IL20RB: variants seen among roughly 807,000 people sequenced by gnomAD.
IL20RB encodes the protein interleukin-20 receptor subunit beta.
In IL20RB, 21 loss-of-function variants were observed where a neutral mutation model predicts 33.3. The ratio of observed to expected loss-of-function variants is 0.63; its 90% confidence interval spans 0.45 to 0.91. The LOEUF is 0.91. IL20RB is among the 40% of genes least tolerant of loss of function. The pLI, the probability that IL20RB is intolerant of heterozygous loss-of-function variation, is 0.00. For synonymous variants in IL20RB, 147 were observed against 146.8 expected (o/e 1.00, Z -0.01); for missense variants, 345 against 384.8 (o/e 0.90, Z 0.86).
intron 1 of IL20RB, among the ~76,000 whole-genome samples, chr3:136,979,937 G>A (rs995053542): frequency 7.2e-5 from 11 of 152,224 alleles, no homozygotes; most frequent in African/African-American, 1.7e-4. Flanking sequence ...AGAGGCTCAC[G>A]TTTATGCAAC....
At chr3:136,994,397 A>G (rs1942087891) in intron 5 of IL20RB, among the ~76,000 whole-genome samples, 1 of 152,204 alleles carries the variant, frequency 6.6e-6, no homozygotes, top group Non-Finnish European at 1.5e-5. Flanking sequence ...CCATAAATAT[A>G]TACACCTACT....
intron 1 of IL20RB, among the ~76,000 whole-genome samples, chr3:136,977,419 C>T (rs1453667863): frequency 6.6e-6 from 1 of 152,170 alleles, no homozygotes; most frequent in Non-Finnish European, 1.5e-5. Flanking sequence ...TCTTTGATTT[C>T]ATTTAGCATT....
intron 6 of IL20RB, among the ~76,000 whole-genome samples, chr3:137,004,747 T>C (rs1240287199): frequency 6.6e-6 from 1 of 152,216 alleles, no homozygotes; most frequent in Non-Finnish European, 1.5e-5. Context: ...TTGACGGGTT[T>C]TTTTGTGTGT....
intron 6 of IL20RB, among the ~76,000 whole-genome samples, chr3:137,008,227 G>A (rs1932988844): frequency 1.3e-5 from 2 of 152,162 alleles, no homozygotes; most frequent in Admixed American, 6.6e-5. Flanking sequence ...TTCATAGAAA[G>A]TGGAGTTTGT....
chr3:136,987,858 G>C (rs1941946232), intron 3 of IL20RB, among the ~76,000 whole-genome samples: 1 of 152,170 alleles, frequency 6.6e-6, no homozygotes, highest in African/African-American at 2.4e-5. Context: ...GCCGGGGCCG[G>C]CAGGGCCGGC....
intron 1 of IL20RB, among the ~76,000 whole-genome samples, chr3:136,974,662 T>G (rs1018998442): frequency 1.2e-4 from 18 of 152,206 alleles, no homozygotes; most frequent in Admixed American, 6.5e-5. Context: ...TGTCTAAATA[T>G]CTTGCTAGAC....
At chr3:136,988,150 C>T (rs557682391) in intron 3 of IL20RB, among the ~76,000 whole-genome samples, 1 of 152,344 alleles carries the variant, frequency 6.6e-6, no homozygotes, top group East Asian at 1.9e-4. Flanking sequence ...TGTCACCTCT[C>T]ACACTGACCC....
chr3:136,969,679 T>C (rs966057215), intron 1 of IL20RB, among the ~76,000 whole-genome samples: 5 of 152,090 alleles, frequency 3.3e-5, no homozygotes, highest in Non-Finnish European at 7.4e-5. Context: ...CGCTGGGAGC[T>C]GTAGACCGGA....
At chr3:136,982,108 G>A in intron 2 of IL20RB, 52 bp from the exon 3 acceptor site, 1 of 1,353,736 alleles carries the variant, frequency 7.4e-7, no homozygotes, top group East Asian at 2.5e-5. Context: ...AACCATAACT[G>A]AGCCTGTGTC....
Position 136,992,053 on chromosome 3 carries a change from G to C in IL20RB, c.647G>C (p.Ser216Thr). The change falls in exon 5 of 7, where the codon AGC becomes ACC. Residue 216 changes from serine to threonine, a missense_variant. Ser to Thr is a moderately conservative substitution (Grantham distance 58). Transcript: ENST00000329582. Reference protein sequence around the residue: ...QTFVKAIGRYSAFSQTECVEV... With the variant: ...QTFVKAIGRYTAFSQTECVEV... ...TTCGTGAAGGCCATTGGGAGGTACA[G>C]CGCCTTCAGCCAGACAGAATGTGTG... 6.2e-7 allele frequency: 1 copy of C among 1,614,224 alleles called. No individual in the cohort carries two copies. Among genetic ancestry groups the C allele is most frequent in the East Asian group, 2.2e-5 (1 of 44,882 alleles).
chr3:136,983,146 G>A (rs575975837), intron 3 of IL20RB, among the ~76,000 whole-genome samples: 2 of 151,896 alleles, frequency 1.3e-5, no homozygotes, highest in Admixed American at 1.3e-4. Flanking sequence ...GGTGTGCAGT[G>A]GCGTGATCTC....
At chr3:136,991,418 C>T (rs536911796) in intron 4 of IL20RB, among the ~76,000 whole-genome samples, 43 of 152,160 alleles carry the variant, frequency 2.8e-4, no homozygotes, top group Admixed American at 1.6e-3. Flanking sequence ...TGCTAGGTCC[C>T]TGTGCTTAGA....
At chr3:136,977,914 T>C (rs1577017938) in intron 1 of IL20RB, among the ~76,000 whole-genome samples, 1 of 152,218 alleles carries the variant, frequency 6.6e-6, no homozygotes, top group South Asian at 2.1e-4. Flanking sequence ...CAAGTTTTAC[T>C]ACTTCTTTTA....
chr3:136,961,787 T>G (rs1409596994), intron 1 of IL20RB, among the ~76,000 whole-genome samples: 1 of 152,178 alleles, frequency 6.6e-6, no homozygotes, highest in Non-Finnish European at 1.5e-5. Flanking sequence ...TCAGGGAAGT[T>G]GGGTGAAGGA....
rs186557294 is a variant in IL20RB, at chr3:136,991,297, G to A, written c.532-641G>A. Among the ~76,000 whole-genome samples the A allele has an allele frequency of 1.6e-4, 24 of 152,242 alleles. No homozygotes were observed. The East Asian group carries it at 4.1e-3, about 26-fold the overall frequency. ...GGTGCCTCCTCGTTACCATCTCTTT[G>A]CTCTGCTTTTTCCTTCACAGTCCTT... On this transcript the variant is annotated intron_variant, in intron 4 of 6. Coordinates refer to ENST00000329582, the MANE Select transcript of IL20RB (RefSeq NM_144717.4).
In IL20RB at chr3:136,958,189, T is replaced by C. The variant is rs758399533; in HGVS notation, c.76T>C (p.Cys26Arg). 2.5e-6 allele frequency: 4 copies of C among 1,603,376 alleles called. No individual in the cohort carries two copies. The highest frequency in any genetic ancestry group is 2.2e-5 in the South Asian group (2 of 90,836). Residue 26 changes from cysteine to arginine, a missense_variant, in exon 1 of 7, where the codon TGT becomes CGT. By Grantham distance (180) the Cys-to-Arg change is radical (BLOSUM62 -3). Coordinates refer to ENST00000329582, the MANE Select transcript of IL20RB (RefSeq NM_144717.4). ...GTGGTTTTTCTACGCATTGATTCCA[T>C]GTTTGCTCACAGGTAAGTATGAATT... ...FMWFFYALIP[C>R]LLTDEVAILP...
intron 6 of IL20RB, among the ~76,000 whole-genome samples, chr3:137,003,017 T>G (rs1381946865): frequency 6.6e-6 from 1 of 152,236 alleles, no homozygotes; most frequent in African/African-American, 2.4e-5. Flanking sequence ...CACCATTTAT[T>G]AAATAGGGAA....
At chr3:136,973,039 C>A (rs1941526543) in intron 1 of IL20RB, among the ~76,000 whole-genome samples, 1 of 151,936 alleles carries the variant, frequency 6.6e-6, no homozygotes, top group Non-Finnish European at 1.5e-5. Flanking sequence ...ATGTTAGTTT[C>A]TTTGTTGACC....
intron 3 of IL20RB, among the ~76,000 whole-genome samples, chr3:136,987,125 G>C (rs990342599): frequency 2.0e-5 from 3 of 150,322 alleles, no homozygotes; most frequent in East Asian, 1.9e-4. Context: ...AAGGGGACCC[G>C]AGCGGGTTGC....
Sources: allele counts gnomAD v4.1 joint callset (sites outside exome capture counted in the v4.1 genomes callset), GRCh38; gene constraint gnomAD v4.1.1; transcripts MANE v1.5; gene names NCBI Gene and HGNC (gene_info 2026-07-23, HGNC 2026-07-21).